The following SERPINA4 variants were observed in gnomAD, a reference collection of about 807,000 sequenced individuals.
SERPINA4 encodes the protein serpin family A member 4, also known as kallistatin.
Under a neutral mutation model 25.4 loss-of-function variants are expected in SERPINA4, and 24 were observed. The observed-to-expected ratio is 0.95, with a 90% CI of 0.69 to 1.33. The LOEUF (loss-of-function observed/expected upper bound fraction) is 1.33. Among genes scored for constraint, SERPINA4 ranks in the 40% most tolerant of loss-of-function variants. The pLI is 0.00. For missense variants in SERPINA4, 553 were observed against 535.8 expected (o/e 1.03, Z -0.32); for synonymous variants, 242 against 223.6 (o/e 1.08, Z -0.73).
At chr14:94,564,335 T>C (rs1331190688) in intron 2 of SERPINA4, among the ~76,000 whole-genome samples, 1 of 152,234 alleles carries the variant, frequency 6.6e-6, no homozygotes, top group Non-Finnish European at 1.5e-5. Flanking sequence ...TTCCTATCTT[T>C]AGACATATTT....
rs1566831858 is a variant in SERPINA4 at position 94,569,795 on chromosome 14, C to T, written c.*200C>T. 1 of 604,914 alleles carries T rather than the reference C, an allele frequency of 1.7e-6. No homozygotes were observed. Among genetic ancestry groups the T allele is most frequent in the Non-Finnish European group, 2.9e-6 (1 of 344,050 alleles). The allele number at this position is 604,914 out of a possible 1,614,324, so 37.5% of individuals were successfully genotyped here. ...GGACATTCCACACCCTGGTGCTGTG[C>T]AGCCTCTGGCAGAGCATCCGACCTC... On this transcript the variant is annotated 3_prime_UTR_variant, in exon 5 of 5. Coordinates refer to ENST00000557004, the MANE Select transcript of SERPINA4 (RefSeq NM_006215.4).
At chr14:94,563,257 C>A (rs999646462) in intron 1 of SERPINA4, among the ~76,000 whole-genome samples, 4 of 152,130 alleles carry the variant, frequency 2.6e-5, no homozygotes, top group African/African-American at 7.2e-5. Context: ...AAGGAGTGTG[C>A]CTTGTAAGTC....
chr14:94,564,892 C>A (rs1010965456), intron 2 of SERPINA4, among the ~76,000 whole-genome samples: 5 of 152,186 alleles, frequency 3.3e-5, no homozygotes, highest in Non-Finnish European at 7.3e-5. Flanking sequence ...CTAGTCCTAC[C>A]ACTCAGAGGC....
At chr14:94,566,559 C>T (rs979217442) in intron 2 of SERPINA4, among the ~76,000 whole-genome samples, 36 of 152,166 alleles carry the variant, frequency 2.4e-4, no homozygotes, top group Non-Finnish European at 4.1e-4. Context: ...CATTTGAACC[C>T]ACAAGCTCAG....
Position 94,564,244 on chromosome 14 carries a change from G to C in SERPINA4, c.649+113G>C, listed in dbSNP as rs570899390. 5.3e-6 allele frequency: 6 copies of C among 1,137,362 alleles called. No homozygotes were observed. In the Admixed American group the frequency reaches 7.5e-5, roughly 14 times the overall value. The allele number at this position is 1,137,362 out of a possible 1,614,324, so 70.5% of individuals were successfully genotyped here. A position where few individuals can be genotyped will look rare whatever the true frequency, so the allele number is the denominator to read the frequency against. ...AAATGTAAGTAAAAACGTTGTGTCT[G>C]ATAGGGTTGAGCAACCCTCAGGGAA... On this transcript the variant is annotated intron_variant, in intron 2 of 4. Transcript: ENST00000557004.
chr14:94,569,777 C>A lies in SERPINA4; in HGVS notation c.*182C>A. 1.6e-6 allele frequency: 1 copy of A among 636,350 alleles called. No homozygotes were observed. The highest frequency in any genetic ancestry group is 2.7e-6 in the Non-Finnish European group (1 of 367,564). 39.4% of individuals were successfully genotyped at this position (636,350 alleles called of 1,614,324 possible). A position where few individuals can be genotyped will look rare whatever the true frequency, so the allele number is the denominator to read the frequency against. Reference sequence around the variant, plus strand: ...CTGAGATGGGCAGGGCCTGGACATTCCACACCCTGGTGCTGTGCAGCCTCT... The same window carrying A: ...CTGAGATGGGCAGGGCCTGGACATTACACACCCTGGTGCTGTGCAGCCTCT... On this transcript the variant is annotated 3_prime_UTR_variant, in exon 5 of 5. Transcript: ENST00000557004.
chr14:94,568,293 G>T lies in SERPINA4; in HGVS notation c.1083+5G>T. The stretch of plus-strand genomic sequence containing the variant: ...CAAAAACTGGAGGCATCCAAAGTAA[G>T]TCGTCAACAGTCAGCAATCCCTAGA... On this transcript the variant is annotated splice_donor_5th_base_variant and intron_variant, in intron 4 of 4. Coordinates refer to ENST00000557004, the MANE Select transcript of SERPINA4 (RefSeq NM_006215.4). 1 of 1,614,154 alleles carries T rather than the reference G, an allele frequency of 6.2e-7. No homozygotes were observed. The highest frequency in any genetic ancestry group is 1.7e-5 in the Admixed American group (1 of 60,028).
chr14:94,568,177 T>C lies in SERPINA4; in HGVS notation c.972T>C (p.Ser324=). The C allele has an allele frequency of 6.2e-7, 1 of 1,614,258 alleles. No homozygotes were observed. The highest frequency in any genetic ancestry group is 1.1e-5 in the South Asian group (1 of 91,086). ...TGCATCTTCCCAAGTTCTCCATTTC[T>C]GGCTCCTATGTATTAGATCAGATTT... is the stretch of plus-strand genomic sequence containing the variant. ...LELHLPKFSI[S]GSYVLDQILP... The change falls in exon 4 of 5, where the codon TCT becomes TCC. Residue 324 remains serine, a synonymous_variant. Coordinates refer to ENST00000557004, the MANE Select transcript of SERPINA4 (RefSeq NM_006215.4).
intron 4 of SERPINA4, among the ~76,000 whole-genome samples, chr14:94,568,714 G>A (rs1347747656): frequency 6.6e-6 from 1 of 151,914 alleles, no homozygotes; most frequent in African/African-American, 2.4e-5. Flanking sequence ...AATTAGAATG[G>A]TGTGGTGGCG....
chr14:94,566,695 G>T (rs959946671), intron 2 of SERPINA4, among the ~76,000 whole-genome samples: 1 of 152,104 alleles, frequency 6.6e-6, no homozygotes, highest in African/African-American at 2.4e-5. Flanking sequence ...TCTCTTTCCA[G>T]CACCCCTTGT....
At position 94,563,616 on chromosome 14, in the gene SERPINA4, G is replaced by A. The variant is rs749599356; in HGVS notation, c.134G>A (p.Gly45Asp). The A allele has an allele frequency of 6.2e-7, 1 of 1,613,802 alleles. No individual in the cohort carries two copies. Residue 45 changes from glycine (G) to aspartate (D), a missense_variant, in exon 2 of 5, where the codon GGC becomes GAC. Transcript: ENST00000557004. ...CAGCAGATTCTGGAGACAGGTGAGG[G>A]CTCCCCCAGCCTCAAGATAGCCCCT... ...SHQQILETGE[G>D]SPSLKIAPAN...
At chr14:94,566,821 T>G in intron 2 of SERPINA4, 149 bp from the exon 3 acceptor site, 1 of 865,966 alleles carries the variant, frequency 1.2e-6, no homozygotes, top group Admixed American at 2.9e-5. Context: ...AGGTTTTGAA[T>G]GGTCAAAATG....
chr14:94,567,350 G>T, intron 3 of SERPINA4, 107 bp downstream of exon 3: 2 of 1,229,512 alleles, frequency 1.6e-6, no homozygotes, highest in South Asian at 1.5e-5. Context: ...AATTATGAGA[G>T]AATTCTCACT....
intron 1 of SERPINA4, among the ~76,000 whole-genome samples, chr14:94,562,780 T>C (rs1168337538): frequency 1.3e-5 from 2 of 152,184 alleles, no homozygotes; most frequent in Non-Finnish European, 2.9e-5. Context: ...GGAGTATCCT[T>C]TCTTGGACAG....
Position 94,567,007 on chromosome 14 carries a change from T to A in SERPINA4, c.687T>A (p.Thr229=). The part of the protein sequence containing the change: ...WEKPFISSRT[T]PKDFYVDENT... ...AACCATTCATTTCCTCAAGGACCAC[T>A]CCCAAAGACTTCTATGTTGATGAGA... is the stretch of plus-strand genomic sequence containing the variant. The change falls in exon 3 of 5, where the codon ACT becomes ACA. Residue 229 remains threonine, a synonymous_variant. Transcript: ENST00000557004. 1 of 1,614,132 alleles carries A rather than the reference T, an allele frequency of 6.2e-7. No homozygotes were observed. Among genetic ancestry groups the A allele is most frequent in the Non-Finnish European group, 8.5e-7 (1 of 1,180,016 alleles).
At chr14:94,568,337 C>T (rs1902286483) in intron 4 of SERPINA4, 49 bp downstream of exon 4, 1 of 1,596,722 alleles carries the variant, frequency 6.3e-7, no homozygotes, top group South Asian at 1.1e-5. Flanking sequence ...TAGGGCAGTG[C>T]CCATGGGAGC....
chr14:94,568,365 C>A, intron 4 of SERPINA4, 77 bp downstream of exon 4: 1 of 1,482,852 alleles, frequency 6.7e-7, no homozygotes, highest in Non-Finnish European at 9.3e-7. Context: ...CGATGGGGCT[C>A]CCAAGCTGCC....
chr14:94,566,742 G>A (rs144028503), intron 2 of SERPINA4, among the ~76,000 whole-genome samples: 4 of 152,226 alleles, frequency 2.6e-5, no homozygotes, highest in Admixed American at 1.3e-4. Flanking sequence ...ATTAGAAAAC[G>A]AACATCCTCT....
intron 2 of SERPINA4, among the ~76,000 whole-genome samples, chr14:94,565,178 A>G (rs1399391668): frequency 6.6e-6 from 1 of 152,230 alleles, no homozygotes; most frequent in African/African-American, 2.4e-5. Context: ...CAGAGCTTAG[A>G]GGGGAATCTA....
Sources: allele counts gnomAD v4.1 joint callset (sites outside exome capture counted in the v4.1 genomes callset), GRCh38; gene constraint gnomAD v4.1.1; transcripts MANE v1.5; gene names NCBI Gene and HGNC (gene_info 2026-07-23, HGNC 2026-07-21).